The following BMAL1 variants were observed in gnomAD, a reference collection of about 807,000 sequenced individuals.
BMAL1 encodes the protein basic helix-loop-helix ARNT-like protein 1.
the BMAL1 span, among the ~76,000 whole-genome samples, chr11:13,339,073 T>C: frequency 6.6e-6 from 1 of 152,260 alleles, no homozygotes; most frequent in African/African-American, 2.4e-5. Flanking sequence ...GGCATGTACC[T>C]GGCAAGTGGC....
chr11:13,284,190 ATATGTGTG>A, the BMAL1 span, among the ~76,000 whole-genome samples: 56 of 62,970 alleles, frequency 8.9e-4, 6 homozygotes, highest in African/African-American at 5.7e-3. Context: ...GTATATATAT[ATATGTGTG>A]TATATATATA....
chr11:13,385,613 C>A, the BMAL1 span: 1 of 1,060,536 alleles, frequency 9.4e-7, no homozygotes, highest in Non-Finnish European at 1.4e-6. Flanking sequence ...CCCCACCCCA[C>A]CCCATGCTTC....
the BMAL1 span, among the ~76,000 whole-genome samples, chr11:13,298,995 C>G: frequency 3.3e-5 from 5 of 152,202 alleles, no homozygotes; most frequent in African/African-American, 9.7e-5. Flanking sequence ...GCGCCCCCAG[C>G]TGGCATGTGG....
the BMAL1 span, among the ~76,000 whole-genome samples, chr11:13,342,014 C>T: frequency 6.6e-6 from 1 of 152,192 alleles, no homozygotes; most frequent in Admixed American, 6.5e-5. Flanking sequence ...CCCAGCCTTG[C>T]CCCCAGATGT....
chr11:13,305,291 G>A, the BMAL1 span, among the ~76,000 whole-genome samples: 1 of 152,120 alleles, frequency 6.6e-6, no homozygotes, highest in African/African-American at 2.4e-5. Flanking sequence ...TGGCACAGAT[G>A]GCCTCAAGTG....
chr11:13,360,215 G>A, the BMAL1 span: 1 of 723,920 alleles, frequency 1.4e-6, no homozygotes, highest in South Asian at 1.9e-5. Context: ...CTCAGTTAAG[G>A]CCTAAACAAT....
the BMAL1 span, among the ~76,000 whole-genome samples, chr11:13,296,136 C>G: frequency 6.6e-6 from 1 of 152,146 alleles, no homozygotes; most frequent in Non-Finnish European, 1.5e-5. Context: ...TTTGTCAGGT[C>G]TAGAGGCTTG....
At chr11:13,281,542 T>A in the BMAL1 span, among the ~76,000 whole-genome samples, 39 of 152,284 alleles carry the variant, frequency 2.6e-4, no homozygotes, top group Admixed American at 1.3e-4. Context: ...TTTTTAAACA[T>A]GGTCTCAGTC....
At chr11:13,381,717 C>CT in the BMAL1 span, among the ~76,000 whole-genome samples, 13 of 152,160 alleles carry the variant, frequency 8.5e-5, no homozygotes, top group Non-Finnish European at 1.9e-4. Flanking sequence ...GATCTGCTGC[C>CT]TGGGGGTTCC....
At chr11:13,361,967 A>G in the BMAL1 span, among the ~76,000 whole-genome samples, 1 of 152,236 alleles carries the variant, frequency 6.6e-6, no homozygotes. Context: ...AAAGTGTGTC[A>G]CTTGGTCACG....
At chr11:13,339,457 A>ACACACACACG in the BMAL1 span, among the ~76,000 whole-genome samples, 9 of 150,688 alleles carry the variant, frequency 6.0e-5, no homozygotes, top group Admixed American at 3.3e-4. Flanking sequence ...ACACACACAC[A>ACACACACACG]TGGTATCTTC....
At chr11:13,289,238 G>A in the BMAL1 span, among the ~76,000 whole-genome samples, 4 of 152,298 alleles carry the variant, frequency 2.6e-5, no homozygotes, top group South Asian at 4.1e-4. Context: ...TAATAGTGAA[G>A]ATGTACTGGC....
the BMAL1 span, chr11:13,360,457 T>G: frequency 1.3e-6 from 2 of 1,589,524 alleles, no homozygotes; most frequent in South Asian, 2.2e-5. Flanking sequence ...TTTACAACGT[T>G]TGTTTTTATA....
chr11:13,348,865 C>G, the BMAL1 span, among the ~76,000 whole-genome samples: 1 of 152,114 alleles, frequency 6.6e-6, no homozygotes. Flanking sequence ...CTATAGCGAT[C>G]GAGGCAAAGA....
chr11:13,309,882 A>AT, the BMAL1 span: 6 of 152,608 alleles, frequency 3.9e-5, no homozygotes, highest in African/African-American at 1.4e-4. Flanking sequence ...ACAAGCAGGG[A>AT]TTTTCTAGGC....
At chr11:13,284,077 G>GT in the BMAL1 span, among the ~76,000 whole-genome samples, 4 of 85,632 alleles carry the variant, frequency 4.7e-5, no homozygotes, top group Non-Finnish European at 8.6e-5. Context: ...ACAGTGTTGG[G>GT]GTGTGTGTGT....
chr11:13,372,815 A>G, the BMAL1 span, among the ~76,000 whole-genome samples: 1 of 152,192 alleles, frequency 6.6e-6, no homozygotes, highest in African/African-American at 2.4e-5. Context: ...TGTTTCAAAA[A>G]AAAAGAGACA....
chr11:13,340,389 T>C, the BMAL1 span, among the ~76,000 whole-genome samples: 1 of 152,218 alleles, frequency 6.6e-6, no homozygotes, highest in East Asian at 1.9e-4. Context: ...CTACATCTTA[T>C]CTCCCTGAGC....
chr11:13,373,344 T>G, the BMAL1 span, among the ~76,000 whole-genome samples: 1 of 152,180 alleles, frequency 6.6e-6, no homozygotes, highest in South Asian at 2.1e-4. Context: ...TTCTGGCTAC[T>G]AGAGACAGCC....
Sources: gnomAD v4.1 joint callset for allele counts (sites outside exome capture counted in the v4.1 genomes callset) on GRCh38, gnomAD v4.1.1 for gene constraint, MANE v1.5 for transcripts, NCBI Gene and HGNC (gene_info 2026-07-23, HGNC 2026-07-21) for gene names.